The following KLHDC10 variants were observed in gnomAD, a reference collection of about 807,000 sequenced individuals.
KLHDC10 encodes the protein kelch domain containing 10, also known as kelch domain-containing protein 10.
Under a neutral mutation model 56.1 loss-of-function variants are expected in KLHDC10, and 24 were observed. The observed-to-expected ratio is 0.43, with a 90% CI of 0.31 to 0.60. The LOEUF (loss-of-function observed/expected upper bound fraction) is 0.60, where lower values mean the gene tolerates loss of function less well. Ranked by LOEUF, KLHDC10 falls within the 20% of genes least tolerant of loss-of-function variation. KLHDC10 has a pLI of 0.11. For missense variants in KLHDC10, 349 were observed against 567.0 expected (o/e 0.62, Z 3.91); for synonymous variants, 188 against 207.1 (o/e 0.91, Z 0.79).
chr7:130,112,803 A>G (rs1156527812), intron 2 of KLHDC10, among the ~76,000 whole-genome samples: 1 of 152,198 alleles, frequency 6.6e-6, no homozygotes, highest in Non-Finnish European at 1.5e-5. Context: ...CTCAGCTATG[A>G]GATTCCTTGA....
intron 1 of KLHDC10, among the ~76,000 whole-genome samples, chr7:130,078,579 C>T (rs1426035294): frequency 1.3e-5 from 2 of 151,612 alleles, no homozygotes; most frequent in Non-Finnish European, 1.5e-5. Context: ...AGTGCAATGC[C>T]GCAGTCTTGG....
intron 2 of KLHDC10, among the ~76,000 whole-genome samples, chr7:130,100,497 C>T (rs1795915120): frequency 1.3e-5 from 2 of 152,082 alleles, no homozygotes; most frequent in Admixed American, 1.3e-4. Flanking sequence ...TGTATTTGAC[C>T]TTGAATTAAA....
intron 1 of KLHDC10, among the ~76,000 whole-genome samples, chr7:130,091,524 G>A (rs1219936823): frequency 6.6e-6 from 1 of 151,822 alleles, no homozygotes; most frequent in Admixed American, 6.6e-5. Context: ...CACCAGTGAA[G>A]CCAGCTAGTA....
intron 1 of KLHDC10, among the ~76,000 whole-genome samples, chr7:130,078,166 G>C (rs1490240335): frequency 6.6e-6 from 1 of 151,302 alleles, no homozygotes; most frequent in Non-Finnish European, 1.5e-5. Context: ...GCAGGAGTTT[G>C]AGACCAGCTT....
intron 1 of KLHDC10, among the ~76,000 whole-genome samples, chr7:130,076,740 T>G (rs539842439): frequency 6.6e-6 from 1 of 152,326 alleles, no homozygotes; most frequent in Middle Eastern, 3.4e-3. Context: ...GATTGAAATG[T>G]TGTCTATAGG....
chr7:130,091,009 A>G (rs1333536513), intron 1 of KLHDC10, among the ~76,000 whole-genome samples: 2 of 151,612 alleles, frequency 1.3e-5, no homozygotes, highest in Non-Finnish European at 2.9e-5. Flanking sequence ...TAACCTTTTG[A>G]CACTATTTTT....
intron 1 of KLHDC10, among the ~76,000 whole-genome samples, chr7:130,078,708 C>A (rs749035729): frequency 7.9e-5 from 12 of 152,080 alleles, no homozygotes; most frequent in Admixed American, 1.3e-4. Context: ...TTAGTAGACA[C>A]GGGGTTTCAC....
chr7:130,096,797 ACTTT>A (rs1795855339), intron 1 of KLHDC10, 120 bp from the exon 2 acceptor site: 2 of 591,710 alleles, frequency 3.4e-6, no homozygotes, highest in East Asian at 5.6e-5. Flanking sequence ...ACTTTACGTC[ACTTT>A]CTTTCTGTAT....
intron 1 of KLHDC10, among the ~76,000 whole-genome samples, chr7:130,072,817 C>T (rs1004377226): frequency 2.0e-5 from 3 of 151,782 alleles, no homozygotes; most frequent in Admixed American, 1.3e-4. Flanking sequence ...AGTGCAGTGT[C>T]GCGATCTCGG....
At chr7:130,108,725 CAAAA>C (rs200535259) in intron 2 of KLHDC10, among the ~76,000 whole-genome samples, 4 of 86,272 alleles carry the variant, frequency 4.6e-5, no homozygotes, top group African/African-American at 1.7e-4. Flanking sequence ...CCATCTCAAA[CAAAA>C]AAAAAAAAAA....
chr7:130,070,924 G>A, intron 1 of KLHDC10, 115 bp downstream of exon 1: 1 of 643,194 alleles, frequency 1.6e-6, no homozygotes, highest in East Asian at 3.2e-5. Context: ...CCCACGCATA[G>A]CAGAGGGACT....
chr7:130,079,206 C>T (rs550589797), intron 1 of KLHDC10, among the ~76,000 whole-genome samples: 3 of 151,622 alleles, frequency 2.0e-5, no homozygotes, highest in Admixed American at 6.6e-5. Flanking sequence ...TACAGGTGCC[C>T]GCCACAACGT....
rs142646919 is a variant in KLHDC10 at position 130,103,861 on chromosome 7, G to A, written c.253+6854G>A. On this transcript the variant is annotated intron_variant, in intron 2 of 9. Transcript: ENST00000335420. ...TCCCAGCACTTTGGGAGGCTGAGGC[G>A]GGTGGATCACGAGGTCAGGAGTTTG... 4.3e-3 allele frequency among the ~76,000 whole-genome samples: 655 copies of A among 152,160 alleles called. 6 individuals carry two copies. The highest frequency in any genetic ancestry group is 0.015 in the African/African-American group (641 of 41,520).
Position 130,135,633 on chromosome 7 carries a change from A to G in KLHDC10, c.*4887A>G, listed in dbSNP as rs1247955354. On this transcript the variant is annotated 3_prime_UTR_variant, in exon 10 of 10. Coordinates refer to ENST00000335420, the MANE Select transcript of KLHDC10 (RefSeq NM_014997.4). ...ATTTACCCTAAAATGTCCAATCTGT[A>G]TTTATGTACCTTGTCAGTGTTTTGC... 6.5e-6 allele frequency: 1 copy of G among 154,352 alleles called. No individual in the cohort carries two copies. Among genetic ancestry groups the G allele is most frequent in the African/African-American group, 2.4e-5 (1 of 41,518 alleles). The allele number at this position is 154,352 out of a possible 1,614,324, so 9.6% of individuals were successfully genotyped here.
chr7:130,103,948 C>T (rs903577235), intron 2 of KLHDC10, among the ~76,000 whole-genome samples: 4 of 151,940 alleles, frequency 2.6e-5, no homozygotes, highest in Admixed American at 1.3e-4. Flanking sequence ...ATTAGCCGGG[C>T]ATGGTGGTGG....
chr7:130,086,033 A>C (rs1006574372), intron 1 of KLHDC10, among the ~76,000 whole-genome samples: 1 of 152,140 alleles, frequency 6.6e-6, no homozygotes, highest in Non-Finnish European at 1.5e-5. Flanking sequence ...GTAATTACTT[A>C]GAATTTTGAG....
chr7:130,128,875 T>TAAAAA lies in KLHDC10; in HGVS notation c.980-551_980-547dup, dbSNP rs1164826285. On this transcript the variant is annotated intron_variant, in intron 8 of 9. Coordinates refer to ENST00000335420, the MANE Select transcript of KLHDC10 (RefSeq NM_014997.4). ...GGTAATATAGTGAGACCTTGTCTCT[T>TAAAAA]AAAAAAAAAAAAAAATATATATATA... Among the ~76,000 whole-genome samples the TAAAAA allele has an allele frequency of 7.8e-4, 33 of 42,320 alleles. 1 individual carries two copies. Among genetic ancestry groups the TAAAAA allele is most frequent in the African/African-American group, 2.5e-3 (17 of 6,880 alleles). 27.8% of individuals were successfully genotyped at this position (42,320 alleles called of 152,430 possible).
At chr7:130,123,777 A>G (rs181553792) in intron 5 of KLHDC10, among the ~76,000 whole-genome samples, 1 of 152,342 alleles carries the variant, frequency 6.6e-6, no homozygotes, top group Admixed American at 6.5e-5. Context: ...AAAGAAGGAA[A>G]TAGATTAAGT....
In KLHDC10 at chr7:130,123,016, T is replaced by TATGGATGGATGG. The variant is rs34901862; in HGVS notation, c.779+844_779+855dup. On this transcript the variant is annotated intron_variant, in intron 5 of 9. Coordinates refer to ENST00000335420, the MANE Select transcript of KLHDC10 (RefSeq NM_014997.4). ...ATGGGTGATGAATGATAGATGGATG[T>TATGGATGGATGG]ATGGATGGATGGATGGATGGATGGA... 2.4e-3 allele frequency among the ~76,000 whole-genome samples: 354 copies of TATGGATGGATGG among 149,052 alleles called. 6 individuals are homozygous for TATGGATGGATGG. Among genetic ancestry groups the TATGGATGGATGG allele is most frequent in the African/African-American group, 8.3e-3 (336 of 40,538 alleles).
Sources: allele counts gnomAD v4.1 joint callset (sites outside exome capture counted in the v4.1 genomes callset), GRCh38; gene constraint gnomAD v4.1.1; transcripts MANE v1.5; gene names NCBI Gene and HGNC (gene_info 2026-07-23, HGNC 2026-07-21).